PPP2R5E: variants seen among roughly 807,000 people sequenced by gnomAD.
PPP2R5E encodes the protein serine/threonine-protein phosphatase 2A 56 kDa regulatory subunit epsilon isoform.
In PPP2R5E, 4 loss-of-function variants were observed where a neutral mutation model predicts 65.3. That is an observed-to-expected ratio of 0.06 (90% CI 0.03 to 0.14). PPP2R5E has a LOEUF of 0.14. Among genes scored for constraint, PPP2R5E ranks in the 10% least tolerant of loss-of-function variants. PPP2R5E has a pLI of 1.00. For missense variants in PPP2R5E, 274 were observed against 556.1 expected (o/e 0.49, Z 5.10); for synonymous variants, 183 against 187.4 (o/e 0.98, Z 0.19).
Position 63,453,831 on chromosome 14 carries a change from C to T in PPP2R5E, c.212G>A (p.Cys71Tyr). The T allele has an allele frequency of 6.3e-7, 1 of 1,596,790 alleles. No individual in the cohort carries two copies. Among genetic ancestry groups the T allele is most frequent in the Non-Finnish European group, 8.5e-7 (1 of 1,172,730 alleles). Residue 71 changes from cysteine to tyrosine, a missense_variant, in exon 3 of 14, where the codon TGT (cysteine) becomes TAT (tyrosine). Cys to Tyr is a radical substitution (Grantham distance 194, BLOSUM62 -2). This residue lies in a region of PPP2R5E where 51 missense variants were observed against 101.1 expected (regional missense o/e 0.50). Coordinates refer to ENST00000337537, the MANE Select transcript of PPP2R5E (RefSeq NM_006246.5). ...ELFLKKLQQCCVIFDFMDTLS... is the reference protein window; with the variant it reads ...ELFLKKLQQCYVIFDFMDTLS... ...CGTGTCCATGAAGTCAAAAATGACA[C>T]AGCACTGCTGAAGTTTCTTTAGGAA...
chr14:63,380,745 TA>T (rs773035850), intron 13 of PPP2R5E, among the ~76,000 whole-genome samples: 1 of 151,958 alleles, frequency 6.6e-6, no homozygotes, highest in Non-Finnish European at 1.5e-5. Flanking sequence ...ATATTCTGGG[TA>T]AAAAATCCCA....
intron 13 of PPP2R5E, among the ~76,000 whole-genome samples, chr14:63,380,784 C>G (rs1382507421): frequency 6.6e-6 from 1 of 152,086 alleles, no homozygotes; most frequent in Non-Finnish European, 1.5e-5. Context: ...CAGCTAAATA[C>G]TCACCACATT....
At chr14:63,535,022 C>T (rs991639565) in intron 2 of PPP2R5E, among the ~76,000 whole-genome samples, 1 of 152,188 alleles carries the variant, frequency 6.6e-6, no homozygotes, top group Non-Finnish European at 1.5e-5. Context: ...AATTTCCTAA[C>T]ACACAGATAC....
chr14:63,483,739 G>A (rs576244456), intron 2 of PPP2R5E, among the ~76,000 whole-genome samples: 1 of 152,252 alleles, frequency 6.6e-6, no homozygotes, highest in African/African-American at 2.4e-5. Flanking sequence ...ACAATAGGAA[G>A]AAAGGAAAGA....
chr14:63,530,226 G>GT (rs555112537), intron 2 of PPP2R5E, among the ~76,000 whole-genome samples: 4,394 of 99,214 alleles, frequency 0.044, 298 homozygotes, highest in African/African-American at 0.1. Context: ...AAATTTTTCC[G>GT]TTTTTTTTTT....
chr14:63,526,780 C>T (rs1173215284), intron 2 of PPP2R5E, among the ~76,000 whole-genome samples: 1 of 152,186 alleles, frequency 6.6e-6, no homozygotes, highest in Non-Finnish European at 1.5e-5. Flanking sequence ...TGGTCTTGAA[C>T]TCCTGGGCTC....
At chr14:63,403,387 CAAA>C (rs35226807) in intron 5 of PPP2R5E, among the ~76,000 whole-genome samples, 10,801 of 79,016 alleles carry the variant, frequency 0.14, 1,223 homozygotes, top group African/African-American at 0.36. Context: ...GAGTCTGTCT[CAAA>C]AAAAAAAAAA....
At chr14:63,396,467 G>C in intron 6 of PPP2R5E, 119 bp downstream of exon 6, 1 of 1,326,378 alleles carries the variant, frequency 7.5e-7, no homozygotes, top group Non-Finnish European at 1.0e-6. Context: ...AATGAAGGAA[G>C]GCAGGCAGAA....
At chr14:63,524,527 C>A (rs1440493886) in intron 2 of PPP2R5E, among the ~76,000 whole-genome samples, 1 of 152,204 alleles carries the variant, frequency 6.6e-6, no homozygotes, top group African/African-American at 2.4e-5. Context: ...AAGATTATCA[C>A]CTAGACTTGA....
chr14:63,508,843 T>C (rs1892336675), intron 2 of PPP2R5E, among the ~76,000 whole-genome samples: 1 of 152,212 alleles, frequency 6.6e-6, no homozygotes, highest in South Asian at 2.1e-4. Context: ...TTTCCACTTC[T>C]GGAATGGGAG....
In PPP2R5E at chr14:63,375,969, G is replaced by A; in HGVS notation, c.*40C>T. ...GCTCCATCTTCTACTACATAAACGT[G>A]TGACTCCACAGGTTAGTAATGTTGT... On this transcript the variant is annotated 3_prime_UTR_variant, in exon 14 of 14. Transcript: ENST00000337537. 7.3e-7 allele frequency: 1 copy of A among 1,378,438 alleles called. No individual in the cohort carries two copies. The highest frequency in any genetic ancestry group is 1.0e-6 in the Non-Finnish European group (1 of 973,630). The allele number at this position is 1,378,438 out of a possible 1,614,324, so 85.4% of individuals were successfully genotyped here.
intron 2 of PPP2R5E, among the ~76,000 whole-genome samples, chr14:63,466,332 C>A (rs1889800960): frequency 6.6e-6 from 1 of 150,588 alleles, no homozygotes; most frequent in Non-Finnish European, 1.5e-5. Flanking sequence ...CTTAGAGATG[C>A]TATTTTTGAA....
chr14:63,384,602 G>A, intron 11 of PPP2R5E, 31 bp from the exon 12 acceptor site: 1 of 1,546,980 alleles, frequency 6.5e-7, no homozygotes, highest in Non-Finnish European at 8.8e-7. Context: ...AATGTTAAGA[G>A]AGAGAAAAAG....
intron 2 of PPP2R5E, among the ~76,000 whole-genome samples, chr14:63,506,237 T>C (rs1323063153): frequency 1.3e-5 from 2 of 152,008 alleles, no homozygotes; most frequent in African/African-American, 4.8e-5. Flanking sequence ...GATCACAAGG[T>C]CAGGAGATGG....
chr14:63,503,290 G>A (rs1344828305), intron 2 of PPP2R5E, among the ~76,000 whole-genome samples: 2 of 152,104 alleles, frequency 1.3e-5, no homozygotes, highest in African/African-American at 4.8e-5. Context: ...TTCCATCTTA[G>A]GAGGAATGAA....
intron 2 of PPP2R5E, among the ~76,000 whole-genome samples, chr14:63,502,686 A>C (rs1891950254): frequency 6.6e-6 from 1 of 152,070 alleles, no homozygotes; most frequent in Admixed American, 6.5e-5. Context: ...AAAAAGAAAA[A>C]GAAAACACTC....
chr14:63,445,563 G>A (rs116644197), intron 3 of PPP2R5E, among the ~76,000 whole-genome samples: 1,885 of 152,250 alleles, frequency 0.012, 31 homozygotes, highest in African/African-American at 0.042. Context: ...TGACAATGAG[G>A]CCAGGTGTGG....
chr14:63,515,229 A>G (rs1892621114), intron 2 of PPP2R5E, among the ~76,000 whole-genome samples: 1 of 152,216 alleles, frequency 6.6e-6, no homozygotes, highest in Admixed American at 6.5e-5. Context: ...AAGCTTCAAT[A>G]AAGTTGAAGT....
chr14:63,430,618 A>T (rs1415073938), intron 3 of PPP2R5E, among the ~76,000 whole-genome samples: 1 of 152,204 alleles, frequency 6.6e-6, no homozygotes, highest in African/African-American at 2.4e-5. Flanking sequence ...AATTAATTAT[A>T]GATAATTATT....
Sources: gnomAD v4.1 joint callset for allele counts (sites outside exome capture counted in the v4.1 genomes callset) on GRCh38, gnomAD v4.1.1 for gene constraint, gnomAD v4.1.1 regional missense constraint, MANE v1.5 for transcripts, NCBI Gene and HGNC (gene_info 2026-07-23, HGNC 2026-07-21) for gene names.